Variants in TACR1 observed in about 807,000 individuals in gnomAD.
TACR1 encodes tachykinin receptor 1, also known as substance-P receptor.
A neutral mutation model predicts 35.8 loss-of-function variants in TACR1; 25 were observed. The observed-to-expected ratio is 0.70, with a 90% CI of 0.51 to 0.98. TACR1 has a LOEUF of 0.98. TACR1 is among the 50% of genes least tolerant of loss of function. The pLI is 0.00. For missense variants in TACR1, 478 were observed against 522.9 expected (o/e 0.91, Z 0.84); for synonymous variants, 195 against 206.7 (o/e 0.94, Z 0.48).
At chr2:75,115,735 T>A (rs1195648267) in intron 2 of TACR1, among the ~76,000 whole-genome samples, 1 of 151,522 alleles carries the variant, frequency 6.6e-6, no homozygotes, top group Non-Finnish European at 1.5e-5. Context: ...TGAAACCCCG[T>A]CTCTGCTAAA....
intron 2 of TACR1, among the ~76,000 whole-genome samples, chr2:75,102,243 G>A (rs948483459): frequency 6.6e-6 from 1 of 152,182 alleles, no homozygotes; most frequent in Non-Finnish European, 1.5e-5. Context: ...ATGACCCATA[G>A]GTGACTGCAG....
intron 1 of TACR1, among the ~76,000 whole-genome samples, chr2:75,193,353 G>A (rs1293695006): frequency 1.3e-5 from 2 of 152,172 alleles, no homozygotes; most frequent in Non-Finnish European, 2.9e-5. Context: ...TCCCTTCACT[G>A]CCATCTAATT....
intron 2 of TACR1, among the ~76,000 whole-genome samples, chr2:75,108,944 C>T (rs1444941648): frequency 3.3e-5 from 5 of 152,098 alleles, no homozygotes; most frequent in Admixed American, 2.6e-4. Context: ...TGTAAAAATT[C>T]GTCTCAGCTC....
chr2:75,128,652 G>T (rs57035511), intron 1 of TACR1, among the ~76,000 whole-genome samples: 1 of 152,094 alleles, frequency 6.6e-6, no homozygotes, highest in Admixed American at 6.5e-5. Context: ...GACAGAGCGC[G>T]CATTTTTTTC....
chr2:75,106,089 A>C (rs558108557), intron 2 of TACR1, among the ~76,000 whole-genome samples: 6 of 152,142 alleles, frequency 3.9e-5, no homozygotes, highest in South Asian at 2.1e-4. Context: ...TACTAAGAAA[A>C]ACTGAGTGTG....
intron 1 of TACR1, among the ~76,000 whole-genome samples, chr2:75,121,896 C>T (rs1673977564): frequency 1.3e-5 from 2 of 152,182 alleles, no homozygotes; most frequent in African/African-American, 4.8e-5. Flanking sequence ...CAAAGAGTAG[C>T]AGAGCTGTCA....
chr2:75,061,837 C>A (rs546411481), intron 2 of TACR1, among the ~76,000 whole-genome samples: 18 of 152,310 alleles, frequency 1.2e-4, no homozygotes, highest in Non-Finnish European at 2.4e-4. Context: ...CTGACACCTA[C>A]CCATGAACAA....
chr2:75,073,413 G>A (rs1012052955), intron 2 of TACR1, among the ~76,000 whole-genome samples: 2 of 152,324 alleles, frequency 1.3e-5, no homozygotes, highest in East Asian at 3.9e-4. Flanking sequence ...TCTTTGGACT[G>A]ACATCCCCCT....
chr2:75,170,747 G>C (rs1446287818), intron 1 of TACR1, among the ~76,000 whole-genome samples: 1 of 152,184 alleles, frequency 6.6e-6, no homozygotes, highest in South Asian at 2.1e-4. Flanking sequence ...TTAGCAAAGA[G>C]ACTGGCAGCA....
At chr2:75,153,422 G>C (rs1674719263) in intron 1 of TACR1, among the ~76,000 whole-genome samples, 1 of 152,158 alleles carries the variant, frequency 6.6e-6, no homozygotes, top group Non-Finnish European at 1.5e-5. Context: ...GCTAGAACCA[G>C]CTACTCACTT....
At chr2:75,165,510 T>C (rs554604649) in intron 1 of TACR1, among the ~76,000 whole-genome samples, 1 of 152,030 alleles carries the variant, frequency 6.6e-6, no homozygotes, top group Non-Finnish European at 1.5e-5. Context: ...GGGTTTCACC[T>C]TGTTAGGCAG....
chr2:75,195,055 G>A lies in TACR1; in HGVS notation c.389+3491C>T, dbSNP rs78438376. 6.1e-3 allele frequency among the ~76,000 whole-genome samples: 932 copies of A among 152,184 alleles called. 13 individuals are homozygous for A. Among genetic ancestry groups the A allele is most frequent in the African/African-American group, 0.022 (893 of 41,504 alleles). ...TGGGGGTTAGGGGAACGGGGCTGTT[G>A]AGGGGGGAGTCATCACCTCTCTGTG... is the stretch of plus-strand genomic sequence containing the variant. On this transcript the variant is annotated intron_variant, in intron 1 of 4. Coordinates refer to ENST00000305249, the MANE Select transcript of TACR1 (RefSeq NM_001058.4).
intron 2 of TACR1, among the ~76,000 whole-genome samples, chr2:75,098,107 A>G (rs906272675): frequency 3.3e-5 from 5 of 152,218 alleles, no homozygotes; most frequent in African/African-American, 1.2e-4. Context: ...TGAAGATCGT[A>G]GAAATGCAGG....
intron 1 of TACR1, among the ~76,000 whole-genome samples, chr2:75,125,213 T>C (rs1434419344): frequency 6.6e-6 from 1 of 152,126 alleles, no homozygotes; most frequent in Admixed American, 6.6e-5. Context: ...AGATGGAGTC[T>C]CGCTCTGTTG....
intron 1 of TACR1, among the ~76,000 whole-genome samples, chr2:75,168,425 G>A (rs1675197262): frequency 6.6e-6 from 1 of 152,212 alleles, no homozygotes; most frequent in African/African-American, 2.4e-5. Flanking sequence ...TTTCTTAGCT[G>A]TGGTCCTAGA....
chr2:75,159,117 A>C (rs1674939994), intron 1 of TACR1, among the ~76,000 whole-genome samples: 1 of 152,090 alleles, frequency 6.6e-6, no homozygotes. Flanking sequence ...CAAAGTAGCT[A>C]ATTTTGTAGG....
At chr2:75,132,515 C>T (rs1264389541) in intron 1 of TACR1, among the ~76,000 whole-genome samples, 4 of 152,100 alleles carry the variant, frequency 2.6e-5, no homozygotes, top group Admixed American at 2.6e-4. Flanking sequence ...TATTGTCAGA[C>T]TTCTTTTTAT....
intron 2 of TACR1, among the ~76,000 whole-genome samples, chr2:75,058,938 G>C (rs1672620616): frequency 6.6e-6 from 1 of 152,172 alleles, no homozygotes; most frequent in Non-Finnish European, 1.5e-5. Context: ...TAATAACTAG[G>C]TGTCTTCATA....
At chr2:75,190,843 G>A (rs778463693) in intron 1 of TACR1, among the ~76,000 whole-genome samples, 2 of 151,528 alleles carry the variant, frequency 1.3e-5, no homozygotes, top group Non-Finnish European at 3.0e-5. Context: ...TTTATTAAAG[G>A]GTGCGCTCAT....
Sources: allele counts gnomAD v4.1 joint callset (sites outside exome capture counted in the v4.1 genomes callset), GRCh38; gene constraint gnomAD v4.1.1; transcripts MANE v1.5; gene names NCBI Gene and HGNC (gene_info 2026-07-23, HGNC 2026-07-21).